LRRC7: variants seen among roughly 807,000 people sequenced by gnomAD.
The protein encoded by LRRC7 is leucine-rich repeat-containing protein 7.
Under a neutral mutation model 175.7 loss-of-function variants are expected in LRRC7, and 23 were observed. The observed-to-expected ratio is 0.13, with a 90% CI of 0.09 to 0.19. The LOEUF is 0.19. LRRC7 is among the 10% of genes least tolerant of loss of function. The pLI is 1.00. For synonymous variants in LRRC7, 685 were observed against 680.9 expected, an observed-to-expected ratio of 1.01 and a Z score of -0.09; for missense variants, 1,354 against 1,904.7, an observed-to-expected ratio of 0.71 and a Z score of 5.38.
chr1:70,115,545 G>A (rs1558081164), intron 26 of LRRC7, among the ~76,000 whole-genome samples: 1 of 152,116 alleles, frequency 6.6e-6, no homozygotes, highest in Non-Finnish European at 1.5e-5. Context: ...TTTGCTGATA[G>A]TGTCATATTT....
intron 18 of LRRC7, among the ~76,000 whole-genome samples, chr1:70,035,668 A>T (rs2102016807): frequency 6.6e-6 from 1 of 151,578 alleles, no homozygotes; most frequent in South Asian, 2.1e-4. Flanking sequence ...TCAGTGATAT[A>T]CTTTCCTCTT....
At chr1:69,870,064 C>T (rs1685361729) in intron 7 of LRRC7, among the ~76,000 whole-genome samples, 1 of 152,062 alleles carries the variant, frequency 6.6e-6, no homozygotes, top group South Asian at 2.1e-4. Context: ...TCTTACGTTA[C>T]CAAAGCAGGT....
At chr1:69,693,563 C>T (rs991674789) in intron 2 of LRRC7, among the ~76,000 whole-genome samples, 2 of 152,112 alleles carry the variant, frequency 1.3e-5, no homozygotes, top group Admixed American at 6.5e-5. Flanking sequence ...CTGTTAATGC[C>T]TTCAACTGAG....
At chr1:69,671,604 G>C (rs1659086565) in intron 1 of LRRC7, among the ~76,000 whole-genome samples, 1 of 152,178 alleles carries the variant, frequency 6.6e-6, no homozygotes, top group African/African-American at 2.4e-5. Context: ...GTCCTAGACT[G>C]CCTTTCAAGT....
intron 2 of LRRC7, among the ~76,000 whole-genome samples, chr1:69,756,108 A>C (rs1352425691): frequency 1.3e-5 from 2 of 151,996 alleles, no homozygotes; most frequent in African/African-American, 4.8e-5. Flanking sequence ...ACTATGAAAA[A>C]AGATGATTCA....
intron 1 of LRRC7, among the ~76,000 whole-genome samples, chr1:69,574,763 T>C (rs953846524): frequency 3.3e-5 from 5 of 152,172 alleles, no homozygotes; most frequent in African/African-American, 9.6e-5. Flanking sequence ...AAATATACCT[T>C]GGACCACATA....
At chr1:70,011,686 T>C (rs1656521037) in intron 11 of LRRC7, 111 bp from the exon 12 acceptor site, 2 of 673,534 alleles carry the variant, frequency 3.0e-6, no homozygotes, top group Non-Finnish European at 5.2e-6. Flanking sequence ...TAATATTATG[T>C]TGTTACCGCA....
intron 14 of LRRC7, among the ~76,000 whole-genome samples, chr1:70,017,919 G>C (rs1029619233): frequency 6.6e-6 from 1 of 152,016 alleles, no homozygotes; most frequent in Non-Finnish European, 1.5e-5. Flanking sequence ...TATTATTCTT[G>C]TGGGAGAATG....
At chr1:69,764,742 T>C (rs547391253) in intron 3 of LRRC7, among the ~76,000 whole-genome samples, 2,871 of 144,920 alleles carry the variant, frequency 0.02, 47 homozygotes, top group African/African-American at 0.049. Context: ...GATAGATAGA[T>C]AGATAGATAG....
intron 3 of LRRC7, among the ~76,000 whole-genome samples, chr1:69,772,258 G>A (rs1672327289): frequency 6.6e-6 from 1 of 152,172 alleles, no homozygotes. Flanking sequence ...ATGACAGCGA[G>A]GGGTCAACCA....
At chr1:69,587,675 C>A (rs1303393412) in intron 1 of LRRC7, among the ~76,000 whole-genome samples, 1 of 152,192 alleles carries the variant, frequency 6.6e-6, no homozygotes. Context: ...TGGTTTCCCC[C>A]ACGCTGTTCT....
chr1:69,579,352 CAT>C (rs1163924533), intron 1 of LRRC7, among the ~76,000 whole-genome samples: 4 of 152,106 alleles, frequency 2.6e-5, no homozygotes, highest in Admixed American at 2.6e-4. Context: ...ACATTCTCCA[CAT>C]ATCTTTTTTT....
intron 8 of LRRC7, among the ~76,000 whole-genome samples, chr1:69,953,283 A>T (rs1252523630): frequency 6.6e-6 from 1 of 151,828 alleles, no homozygotes. Context: ...CTTATCAGCA[A>T]CTCTATGCTA....
intron 11 of LRRC7, 28 bp from the exon 12 acceptor site, chr1:70,011,769 T>C (rs181276764): frequency 1.3e-6 from 2 of 1,486,696 alleles, no homozygotes; most frequent in Admixed American, 3.6e-5. Flanking sequence ...ACTTTTAAAA[T>C]GTCTAACTAA....
intron 8 of LRRC7, among the ~76,000 whole-genome samples, chr1:69,948,605 C>G (rs892837295): frequency 6.6e-6 from 1 of 152,008 alleles, no homozygotes; most frequent in African/African-American, 2.4e-5. Context: ...CAGTAGGGGG[C>G]CCTTCTTTAT....
intron 10 of LRRC7, among the ~76,000 whole-genome samples, chr1:69,988,644 G>T (rs1415643254): frequency 6.6e-6 from 1 of 152,142 alleles, no homozygotes; most frequent in Non-Finnish European, 1.5e-5. Flanking sequence ...TCTGTGAAAA[G>T]GGACTGAAAA....
chr1:69,687,537 A>AG (rs1398148219), intron 2 of LRRC7, among the ~76,000 whole-genome samples: 84 of 144,180 alleles, frequency 5.8e-4, no homozygotes, highest in African/African-American at 2.1e-3. Flanking sequence ...AAAAAAAAAA[A>AG]AGAAAAAAGA....
rs188326453 is a variant in LRRC7, at chr1:69,740,772, C to T, written c.101-19419C>T. 1.3e-3 allele frequency among the ~76,000 whole-genome samples: 198 copies of T among 151,970 alleles called. 3 individuals carry two copies. The highest frequency in any genetic ancestry group is 3.9e-3 in the Admixed American group (60 of 15,224). Reference sequence around the variant, plus strand: ...CACGGTGTACAGAAAACCTTTAGTCCGAACTTAAATATGTAAGGAGGCAGC... The same window carrying T: ...CACGGTGTACAGAAAACCTTTAGTCTGAACTTAAATATGTAAGGAGGCAGC... On this transcript the variant is annotated intron_variant, in intron 2 of 26. Transcript: ENST00000651989.
intron 1 of LRRC7, among the ~76,000 whole-genome samples, chr1:69,633,100 TAA>T (rs1163775008): frequency 2.0e-5 from 3 of 151,998 alleles, no homozygotes; most frequent in Non-Finnish European, 4.4e-5. Context: ...GATTACTTCA[TAA>T]AGTTTCCATA....
Sources: allele counts gnomAD v4.1 joint callset (sites outside exome capture counted in the v4.1 genomes callset), GRCh38; gene constraint gnomAD v4.1.1; transcripts MANE v1.5; gene names NCBI Gene and HGNC (gene_info 2026-07-23, HGNC 2026-07-21).